The following SLC24A2 variants were observed in gnomAD, a reference collection of about 807,000 sequenced individuals.
The protein encoded by SLC24A2 is sodium/potassium/calcium exchanger 2.
In SLC24A2, 36 loss-of-function variants were observed where a neutral mutation model predicts 62.0. The ratio of observed to expected loss-of-function variants is 0.58; its 90% CI spans 0.44 to 0.77. The LOEUF (loss-of-function observed/expected upper bound fraction) is 0.77, where lower values mean the gene tolerates loss of function less well. Among genes scored for constraint, SLC24A2 ranks in the 30% least tolerant of loss-of-function variants. SLC24A2 has a pLI of 0.00. For synonymous variants in SLC24A2, 358 were observed against 294.0 expected (o/e 1.22, Z -2.23); for missense variants, 846 against 817.9 (o/e 1.03, Z -0.42).
At chr9:19,666,353 T>A (rs1336978649) in intron 2 of SLC24A2, among the ~76,000 whole-genome samples, 1 of 152,090 alleles carries the variant, frequency 6.6e-6, no homozygotes, top group East Asian at 1.9e-4. Flanking sequence ...CTGCAGTGAG[T>A]TGTGATTGCA....
chr9:19,589,300 C>A lies in SLC24A2; in HGVS notation c.1129+7929G>T, dbSNP rs556622245. 6.6e-5 allele frequency among the ~76,000 whole-genome samples: 10 copies of A among 152,128 alleles called. No individual in the cohort carries two copies. The East Asian group carries it at 9.7e-4, about 15-fold the overall frequency. ...AATACTAAGCAGTTGTTAAAATGAA[C>A]GAAGAAAGTCTAAATGTGCTGATGT... On this transcript the variant is annotated intron_variant, in intron 5 of 10. Transcript: ENST00000341998.
At chr9:20,123,699 T>C in the SLC24A2 span, among the ~76,000 whole-genome samples, 1 of 152,164 alleles carries the variant, frequency 6.6e-6, no homozygotes, top group Non-Finnish European at 1.5e-5. Context: ...AGATAAACAA[T>C]TAACAGTGGT....
intron 2 of SLC24A2, among the ~76,000 whole-genome samples, chr9:19,707,339 T>C (rs1820562041): frequency 6.6e-6 from 1 of 152,214 alleles, no homozygotes; most frequent in Non-Finnish European, 1.5e-5. Flanking sequence ...AAGGAGGAGC[T>C]GGTACCATTC....
At chr9:20,228,696 T>C in the SLC24A2 span, among the ~76,000 whole-genome samples, 1 of 152,166 alleles carries the variant, frequency 6.6e-6, no homozygotes, top group Non-Finnish European at 1.5e-5. Flanking sequence ...AAGATTGTGA[T>C]GACCCTTAGG....
the SLC24A2 span, among the ~76,000 whole-genome samples, chr9:20,089,443 C>T: frequency 1.3e-5 from 2 of 152,098 alleles, no homozygotes; most frequent in African/African-American, 2.4e-5. Context: ...TGCTACTGCC[C>T]TAACAGCTCT....
intron 2 of SLC24A2, among the ~76,000 whole-genome samples, chr9:19,708,166 G>C (rs1820593448): frequency 6.6e-6 from 1 of 152,138 alleles, no homozygotes; most frequent in Non-Finnish European, 1.5e-5. Flanking sequence ...TTGCTTCAAA[G>C]AGAATGAAAT....
At chr9:19,822,248 G>A in the SLC24A2 span, among the ~76,000 whole-genome samples, 1 of 152,176 alleles carries the variant, frequency 6.6e-6, no homozygotes, top group East Asian at 1.9e-4. Context: ...AACTATGTAT[G>A]AGGGGAATGT....
the SLC24A2 span, among the ~76,000 whole-genome samples, chr9:20,115,102 A>G: frequency 6.6e-6 from 1 of 152,168 alleles, no homozygotes; most frequent in East Asian, 1.9e-4. Context: ...CAAAGAACAT[A>G]CAATAGCCTG....
At chr9:20,090,659 CA>C in the SLC24A2 span, among the ~76,000 whole-genome samples, 1 of 152,004 alleles carries the variant, frequency 6.6e-6, no homozygotes, top group African/African-American at 2.4e-5. Context: ...AGACCCTGCA[CA>C]AATCCTTGGC....
At chr9:19,603,426 A>T (rs147150997) in intron 4 of SLC24A2, among the ~76,000 whole-genome samples, 1 of 152,180 alleles carries the variant, frequency 6.6e-6, no homozygotes, top group East Asian at 1.9e-4. Context: ...CTGTGTACAG[A>T]TAGGCCTGTT....
At chr9:19,566,020 A>T (rs1415285582) in intron 7 of SLC24A2, among the ~76,000 whole-genome samples, 3 of 152,164 alleles carry the variant, frequency 2.0e-5, no homozygotes, top group Non-Finnish European at 2.9e-5. Flanking sequence ...CCCTGGAAGA[A>T]AACCTAGGCA....
chr9:19,534,876 T>A (rs1833881694), intron 8 of SLC24A2, among the ~76,000 whole-genome samples: 1 of 152,156 alleles, frequency 6.6e-6, no homozygotes, highest in Non-Finnish European at 1.5e-5. Context: ...ATATACCCAG[T>A]AATGAGATTG....
At chr9:19,843,861 T>C in the SLC24A2 span, among the ~76,000 whole-genome samples, 2 of 152,226 alleles carry the variant, frequency 1.3e-5, no homozygotes, top group Non-Finnish European at 2.9e-5. Flanking sequence ...GATTTCATTC[T>C]ATTTTATGGC....
chr9:20,107,204 G>C, the SLC24A2 span, among the ~76,000 whole-genome samples: 17 of 152,142 alleles, frequency 1.1e-4, no homozygotes, highest in South Asian at 4.2e-4. Flanking sequence ...AGGATACAAA[G>C]AAATGGAAGA....
At chr9:19,868,744 T>G in the SLC24A2 span, among the ~76,000 whole-genome samples, 1 of 152,340 alleles carries the variant, frequency 6.6e-6, no homozygotes, top group South Asian at 2.1e-4. Flanking sequence ...TAGCAATTGT[T>G]CTTTTTCTGA....
At chr9:20,069,796 A>C in the SLC24A2 span, among the ~76,000 whole-genome samples, 1 of 152,154 alleles carries the variant, frequency 6.6e-6, no homozygotes, top group East Asian at 1.9e-4. Context: ...ATATTATTTT[A>C]TGTAACCAAA....
the SLC24A2 span, among the ~76,000 whole-genome samples, chr9:20,183,870 C>G: frequency 6.6e-6 from 1 of 151,880 alleles, no homozygotes; most frequent in Non-Finnish European, 1.5e-5. Flanking sequence ...AACCTTGTAT[C>G]ACCTGCATCA....
At chr9:19,692,158 A>G (rs1440546266) in intron 2 of SLC24A2, among the ~76,000 whole-genome samples, 1 of 152,166 alleles carries the variant, frequency 6.6e-6, no homozygotes, top group Non-Finnish European at 1.5e-5. Flanking sequence ...GCAATTATGT[A>G]TGCATAACTA....
At chr9:19,706,248 A>T (rs1346584735) in intron 2 of SLC24A2, among the ~76,000 whole-genome samples, 1 of 151,480 alleles carries the variant, frequency 6.6e-6, no homozygotes, top group Non-Finnish European at 1.5e-5. Flanking sequence ...AGAGACTAGG[A>T]TTGCAACCCC....
Sources: gnomAD v4.1 joint callset for allele counts (sites outside exome capture counted in the v4.1 genomes callset) on GRCh38, gnomAD v4.1.1 for gene constraint, MANE v1.5 for transcripts, NCBI Gene and HGNC (gene_info 2026-07-23, HGNC 2026-07-21) for gene names.